The following PCDH15 variants were observed in gnomAD, a reference collection of about 807,000 sequenced individuals.
The protein encoded by PCDH15 is protocadherin-15.
PCDH15 carries 129 observed loss-of-function variants against 178.5 expected under a neutral mutation model. That is an observed-to-expected ratio of 0.72 (90% CI 0.63 to 0.84). The LOEUF is 0.84. Ranked by LOEUF, PCDH15 falls within the 40% of genes least tolerant of loss-of-function variation. The pLI, the probability that PCDH15 is intolerant of heterozygous loss-of-function variation, is 0.00. For synonymous variants in PCDH15, 800 were observed against 732.0 expected (o/e 1.09, Z -1.50); for missense variants, 2,230 against 2,099.9 (o/e 1.06, Z -1.21).
chr10:54,775,507 A>G (rs1411886476), intron 1 of PCDH15, among the ~76,000 whole-genome samples: 1 of 152,214 alleles, frequency 6.6e-6, no homozygotes, highest in Admixed American at 6.5e-5. Flanking sequence ...TCTTCTAGCT[A>G]TTTAAAAATA....
intron 5 of PCDH15, among the ~76,000 whole-genome samples, chr10:54,353,553 T>A (rs533590128): frequency 1.3e-5 from 2 of 152,132 alleles, no homozygotes; most frequent in Non-Finnish European, 2.9e-5. Flanking sequence ...CAGATGCAGC[T>A]GCTTTTGACT....
intron 18 of PCDH15, among the ~76,000 whole-genome samples, chr10:54,044,476 G>T: frequency 6.6e-6 from 1 of 152,088 alleles, no homozygotes; most frequent in East Asian, 1.9e-4. Flanking sequence ...TCATTGAAAA[G>T]TTCAGTGATG....
chr10:54,239,609 G>GC (rs2055027133), intron 8 of PCDH15, among the ~76,000 whole-genome samples: 1 of 151,870 alleles, frequency 6.6e-6, no homozygotes, highest in Admixed American at 6.6e-5. Context: ...CATTACCATA[G>GC]CCCGTACTAT....
At chr10:54,085,066 AG>A (rs1414523974) in intron 16 of PCDH15, among the ~76,000 whole-genome samples, 1 of 152,184 alleles carries the variant, frequency 6.6e-6, no homozygotes, top group Non-Finnish European at 1.5e-5. Context: ...GCATGAACTA[AG>A]GTAGTAGAGT....
chr10:55,065,654 G>A (rs1841546862), intron 2 of PCDH15, among the ~76,000 whole-genome samples: 1 of 152,034 alleles, frequency 6.6e-6, no homozygotes, highest in Non-Finnish European at 1.5e-5. Context: ...GAACTTTTAA[G>A]AAGTCAAAAT....
At chr10:54,182,309 T>C (rs1415391977) in intron 13 of PCDH15, among the ~76,000 whole-genome samples, 1 of 152,156 alleles carries the variant, frequency 6.6e-6, no homozygotes, top group Non-Finnish European at 1.5e-5. Flanking sequence ...TAATGCAAAG[T>C]TGGTGATGAT....
chr10:54,645,732 C>T (rs538482984), intron 2 of PCDH15, among the ~76,000 whole-genome samples: 2 of 151,768 alleles, frequency 1.3e-5, no homozygotes, highest in Non-Finnish European at 2.9e-5. Context: ...TGTTTTTAGA[C>T]AAAGAAAACA....
intron 2 of PCDH15, among the ~76,000 whole-genome samples, chr10:54,927,631 A>C (rs1837665817): frequency 6.6e-6 from 1 of 152,138 alleles, no homozygotes; most frequent in African/African-American, 2.4e-5. Flanking sequence ...TATTGGGTAC[A>C]TATATATTTA....
chr10:55,073,217 C>G (rs1454576436), intron 2 of PCDH15, among the ~76,000 whole-genome samples: 1 of 151,994 alleles, frequency 6.6e-6, no homozygotes, highest in African/African-American at 2.4e-5. Flanking sequence ...CTCACCACTC[C>G]TATTCAACAT....
intron 18 of PCDH15, among the ~76,000 whole-genome samples, chr10:54,029,278 T>A (rs999704901): frequency 2.6e-5 from 4 of 152,172 alleles, no homozygotes; most frequent in African/African-American, 9.7e-5. Context: ...CAGTGTATGA[T>A]GCTATAATGA....
chr10:55,590,601 T>C (rs1372193604), intron 2 of PCDH15, among the ~76,000 whole-genome samples: 1 of 152,144 alleles, frequency 6.6e-6, no homozygotes, highest in Non-Finnish European at 1.5e-5. Context: ...AACAGATGGA[T>C]GCTGATTGCT....
chr10:55,339,131 A>G (rs1443548393), intron 2 of PCDH15, among the ~76,000 whole-genome samples: 2 of 152,174 alleles, frequency 1.3e-5, no homozygotes, highest in Non-Finnish European at 2.9e-5. Flanking sequence ...AAAATACTGA[A>G]AGAGTAGAAT....
At chr10:54,572,366 G>A (rs1292878267) in intron 2 of PCDH15, among the ~76,000 whole-genome samples, 1 of 151,986 alleles carries the variant, frequency 6.6e-6, no homozygotes, top group African/African-American at 2.4e-5. Flanking sequence ...GAATCACAAA[G>A]AGCTGACTCC....
At chr10:54,594,504 G>T (rs547282482) in intron 2 of PCDH15, among the ~76,000 whole-genome samples, 1 of 152,236 alleles carries the variant, frequency 6.6e-6, no homozygotes, top group South Asian at 2.1e-4. Context: ...CTGCCTCATT[G>T]CTCCTGCACT....
chr10:55,104,336 A>G (rs1842631681), intron 2 of PCDH15, among the ~76,000 whole-genome samples: 1 of 152,070 alleles, frequency 6.6e-6, no homozygotes, highest in Admixed American at 6.6e-5. Flanking sequence ...TCCTCCTGTT[A>G]TCTTGACATT....
chr10:54,435,438 A>C (rs188571745), intron 3 of PCDH15, among the ~76,000 whole-genome samples: 304 of 152,290 alleles, frequency 2.0e-3, no homozygotes, highest in Non-Finnish European at 2.8e-3. Context: ...ATTGTGATTA[A>C]CCATGAGCAT....
chr10:54,929,580 C>A (rs1276618080), intron 2 of PCDH15, among the ~76,000 whole-genome samples: 1 of 152,158 alleles, frequency 6.6e-6, no homozygotes, highest in African/African-American at 2.4e-5. Flanking sequence ...ACCGTTGTGA[C>A]AACGGAAAAT....
chr10:54,121,411 A>C (rs1256845780), intron 15 of PCDH15, among the ~76,000 whole-genome samples: 3 of 152,164 alleles, frequency 2.0e-5, no homozygotes, highest in African/African-American at 7.2e-5. Context: ...ACTAATCCCA[A>C]AGCTAGAAGG....
intron 26 of PCDH15, among the ~76,000 whole-genome samples, chr10:53,902,284 A>G (rs1221820256): frequency 2.6e-5 from 4 of 151,904 alleles, no homozygotes; most frequent in Admixed American, 2.6e-4. Flanking sequence ...ATTAGGTTGA[A>G]TTTTTTTTCT....
Sources: allele counts gnomAD v4.1 joint callset (sites outside exome capture counted in the v4.1 genomes callset), GRCh38; gene constraint gnomAD v4.1.1; transcripts MANE v1.5; gene names NCBI Gene and HGNC (gene_info 2026-07-23, HGNC 2026-07-21).